KL: variants seen among roughly 807,000 people sequenced by gnomAD.
The protein encoded by KL is alpha-klotho.
In KL, 62 loss-of-function variants were observed where a neutral mutation model predicts 84.2. That is an observed-to-expected ratio of 0.74 (90% CI 0.60 to 0.91). KL has a LOEUF of 0.91. KL is among the 40% of genes least tolerant of loss of function. The pLI, the probability that KL is intolerant of heterozygous loss-of-function variation, is 0.00. For synonymous variants in KL, 528 were observed against 528.0 expected, an observed-to-expected ratio of 1.00 and a Z score of 0.00; for missense variants, 1,261 against 1,305.7, an observed-to-expected ratio of 0.97 and a Z score of 0.53.
intron 1 of KL, among the ~76,000 whole-genome samples, chr13:33,037,429 A>G (rs769263686): frequency 2.6e-5 from 4 of 152,192 alleles, no homozygotes; most frequent in African/African-American, 9.6e-5. Context: ...GCTGTGTACT[A>G]TGCATGAGCT....
chr13:33,029,132 T>A lies in KL; in HGVS notation c.819+11873T>A, dbSNP rs191052167. On this transcript the variant is annotated intron_variant, in intron 1 of 4. Coordinates refer to ENST00000380099, the MANE Select transcript of KL (RefSeq NM_004795.4). The stretch of plus-strand genomic sequence containing the variant: ...TTTAAAAAGACATAAATATTTTTTC[T>A]ATCACTTTAAATATTAATTTTGCTA... Among the ~76,000 whole-genome samples the A allele has an allele frequency of 2.2e-3, 328 of 152,392 alleles. 1 individual carries two copies. Among genetic ancestry groups the A allele is most frequent in the African/African-American group, 7.2e-3 (299 of 41,592 alleles).
chr13:33,045,707 G>C (rs1871502082), intron 1 of KL, among the ~76,000 whole-genome samples: 1 of 152,102 alleles, frequency 6.6e-6, no homozygotes, highest in Non-Finnish European at 1.5e-5. Flanking sequence ...TCGAACTCCT[G>C]ACCTCAGATG....
intron 1 of KL, among the ~76,000 whole-genome samples, chr13:33,037,877 A>G (rs555797283): frequency 6.6e-6 from 1 of 152,050 alleles, no homozygotes; most frequent in Admixed American, 6.6e-5. Flanking sequence ...GTGGAGCCCA[A>G]CCCAGCTCAC....
rs974023688 is a variant in KL, at chr13:33,054,242, A to G, written c.1295A>G (p.Tyr432Cys). ...AAGAGAGATGATGCCAAATATATGT[A>G]TTACCTCAAAAAGTTCATCATGGAA... ...TTKRDDAKYM[Y>C]YLKKFIMETL... Residue 432 changes from tyrosine (Y) to cysteine (C), a missense_variant, in exon 2 of 5, where the codon TAT (tyrosine) becomes TGT (cysteine). By Grantham distance (194) the Tyr-to-Cys change is radical. Transcript: ENST00000380099. 1 of 1,613,708 alleles carries G rather than the reference A, an allele frequency of 6.2e-7. No individual in the cohort carries two copies.
intron 1 of KL, among the ~76,000 whole-genome samples, chr13:33,018,404 G>T (rs1385215795): frequency 2.6e-5 from 4 of 152,212 alleles, no homozygotes; most frequent in Non-Finnish European, 5.9e-5. Flanking sequence ...GCAGTACTGG[G>T]TTATTGAGGT....
chr13:33,025,503 A>T (rs577334006), intron 1 of KL, among the ~76,000 whole-genome samples: 2 of 152,326 alleles, frequency 1.3e-5, no homozygotes, highest in African/African-American at 4.8e-5. Flanking sequence ...TCTAGGAAAC[A>T]TCCCTTGCAA....
chr13:33,060,335 A>G (rs566378966), intron 3 of KL, among the ~76,000 whole-genome samples: 1 of 152,102 alleles, frequency 6.6e-6, no homozygotes, highest in Non-Finnish European at 1.5e-5. Flanking sequence ...GATTTCTTAC[A>G]TTAAAAGAAA....
At chr13:33,045,613 T>C (rs988123131) in intron 1 of KL, among the ~76,000 whole-genome samples, 2 of 152,120 alleles carry the variant, frequency 1.3e-5, no homozygotes, top group African/African-American at 4.8e-5. Flanking sequence ...CCAGAGTAGC[T>C]GGGATTACAG....
intron 4 of KL, 70 bp downstream of exon 4, chr13:33,061,850 T>C (rs1228255521): frequency 1.3e-6 from 2 of 1,503,970 alleles, no homozygotes; most frequent in African/African-American, 2.7e-5. Flanking sequence ...TGATTAAATC[T>C]CCAACATCAA....
chr13:33,021,553 C>T (rs1286974657), intron 1 of KL, among the ~76,000 whole-genome samples: 1 of 152,126 alleles, frequency 6.6e-6, no homozygotes, highest in Admixed American at 6.5e-5. Context: ...ATACTATGCA[C>T]TTTTGAGAAA....
In KL at chr13:33,043,411, G is replaced by C. The variant is rs138064464; in HGVS notation, c.820-10356G>C. Among the ~76,000 whole-genome samples, 22 of 152,140 alleles carry C rather than the reference G, an allele frequency of 1.4e-4. No individual in the cohort carries two copies. In the East Asian group the frequency reaches 3.3e-3, roughly 23 times the overall value. ...ATTTTTGTATTTTTAGTAGAGATGGGGTTTCACCATGTTGCCCAAGTTGGT... is the reference window on the plus strand; with the variant it reads ...ATTTTTGTATTTTTAGTAGAGATGGCGTTTCACCATGTTGCCCAAGTTGGT... On this transcript the variant is annotated intron_variant, in intron 1 of 4. Coordinates refer to ENST00000380099, the MANE Select transcript of KL (RefSeq NM_004795.4).
In KL at chr13:33,032,922, T is replaced by G. The variant is rs199804685; in HGVS notation, c.819+15663T>G. Among the ~76,000 whole-genome samples the G allele has an allele frequency of 3.6e-4, 55 of 152,104 alleles. No homozygotes were observed. In the East Asian group the frequency reaches 0.01, roughly 29 times the overall value. On this transcript the variant is annotated intron_variant, in intron 1 of 4. Transcript: ENST00000380099. ...GATTTCCCTCAGCAAGAAAGAATCT[T>G]TCCTTCCTCTGAATCGCCATTGCAT...
chr13:33,016,926 G>C lies in KL; in HGVS notation c.486G>C (p.Ala162=). Residue 162 remains alanine (A), a synonymous_variant, in exon 1 of 5, where the codon GCG becomes GCC. Transcript: ENST00000380099. The part of the protein sequence containing the change: ...SWARVLPNGS[A]GVPNREGLRY... ...CGCGAGTGCTCCCCAATGGCAGCGC[G>C]GGCGTCCCCAACCGCGAGGGGCTGC... The C allele has an allele frequency of 1.2e-6, 2 of 1,610,324 alleles. No individual in the cohort carries two copies. The highest frequency in any genetic ancestry group is 8.5e-7 in the Non-Finnish European group (1 of 1,179,254).
intron 1 of KL, among the ~76,000 whole-genome samples, chr13:33,021,774 C>A (rs185319105): frequency 2.0e-5 from 3 of 152,156 alleles, no homozygotes; most frequent in Non-Finnish European, 2.9e-5. Context: ...ATCCCAGCTA[C>A]TTGGGAGGCT....
intron 1 of KL, among the ~76,000 whole-genome samples, chr13:33,030,505 A>C (rs370569829): frequency 9.5e-4 from 145 of 152,244 alleles, no homozygotes; most frequent in African/African-American, 2.8e-3. Context: ...TAATCTCTCA[A>C]AGTAACTGAT....
At chr13:33,060,539 T>C (rs1340475521) in intron 3 of KL, 140 bp from the exon 4 acceptor site, 1 of 930,654 alleles carries the variant, frequency 1.1e-6, no homozygotes, top group South Asian at 1.4e-5. Context: ...GCTGACAATT[T>C]ATGAAAAATA....
chr13:33,064,121 G>A lies in KL; in HGVS notation c.2974G>A (p.Ala992Thr), dbSNP rs753823883. The A allele has an allele frequency of 6.2e-7, 1 of 1,613,462 alleles. No homozygotes were observed. The highest frequency in any genetic ancestry group is 8.5e-7 in the Non-Finnish European group (1 of 1,179,800). The change falls in exon 5 of 5, where the codon GCT (alanine) becomes ACT (threonine). Residue 992 changes from alanine (A) to threonine (T), a missense_variant. Physicochemically the swap from Ala to Thr is moderately conservative, Grantham distance 58. Transcript: ENST00000380099. ...GGCTTTCATAGCTTTTCTATTTTTT[G>A]CTTCTATTATTTCTCTCTCCCTTAT... ...LLAFIAFLFF[A>T]SIISLSLIFY...
intron 3 of KL, among the ~76,000 whole-genome samples, chr13:33,059,480 A>AT (rs901378503): frequency 7.2e-4 from 106 of 146,216 alleles, no homozygotes; most frequent in South Asian, 3.7e-3. Flanking sequence ...CTTTTTTTCT[A>AT]TTTTTTTTTT....
In KL at chr13:33,053,987, C is replaced by G. The variant is rs1190992134; in HGVS notation, c.1040C>G (p.Ser347Cys). The G allele has an allele frequency of 6.2e-7, 1 of 1,613,804 alleles. No individual in the cohort carries two copies. The highest frequency in any genetic ancestry group is 1.7e-5 in the Admixed American group (1 of 60,006). ...GAGAGCATGAAGAATAACCTTTCAT[C>G]TATTCTGCCTGATTTTACTGAATCT... ...YPESMKNNLS[S>C]ILPDFTESEK... Residue 347 changes from serine to cysteine, a missense_variant, in exon 2 of 5, where the codon TCT (serine) becomes TGT (cysteine). By Grantham distance (112) the Ser-to-Cys change is moderately radical. Transcript: ENST00000380099.
Sources: gnomAD v4.1 joint callset for allele counts (sites outside exome capture counted in the v4.1 genomes callset) on GRCh38, gnomAD v4.1.1 for gene constraint, MANE v1.5 for transcripts, NCBI Gene and HGNC (gene_info 2026-07-23, HGNC 2026-07-21) for gene names.